GABRB2: variants seen among roughly 807,000 people sequenced by gnomAD.
GABRB2 encodes the protein gamma-aminobutyric acid receptor subunit beta-2.
A neutral mutation model predicts 54.7 loss-of-function variants in GABRB2; 16 were observed. The ratio of observed to expected loss-of-function variants is 0.29; its 90% CI spans 0.20 to 0.44. The LOEUF (loss-of-function observed/expected upper bound fraction) is 0.44, where lower values mean the gene tolerates loss of function less well. GABRB2 is among the 20% of genes least tolerant of loss of function. The probability of loss-of-function intolerance (pLI) is 1.00; values close to 1 mark genes in which losing one functional copy is unlikely to be tolerated. For missense variants in GABRB2, 355 were observed against 644.0 expected, an observed-to-expected ratio of 0.55 and a Z score of 4.86; for synonymous variants, 244 against 233.8, an observed-to-expected ratio of 1.04 and a Z score of -0.40.
intron 5 of GABRB2, among the ~76,000 whole-genome samples, chr5:161,356,311 T>C (rs1754625641): frequency 1.3e-5 from 2 of 152,304 alleles, no homozygotes; most frequent in South Asian, 2.1e-4. Context: ...CCTATGTGAT[T>C]TGAATCTGCC....
chr5:161,302,459 T>C (rs1309702177), intron 9 of GABRB2, among the ~76,000 whole-genome samples: 2 of 152,228 alleles, frequency 1.3e-5, no homozygotes, highest in Admixed American at 1.3e-4. Context: ...TGTGATAGTC[T>C]ATAGTCATAT....
intron 5 of GABRB2, among the ~76,000 whole-genome samples, chr5:161,357,314 T>C (rs989367488): frequency 1.3e-5 from 2 of 152,034 alleles, no homozygotes; most frequent in Admixed American, 6.6e-5. Flanking sequence ...GGGCAGCCAG[T>C]GCAAAGGACC....
intron 5 of GABRB2, among the ~76,000 whole-genome samples, chr5:161,378,168 T>C (rs2113478645): frequency 6.6e-6 from 1 of 152,262 alleles, no homozygotes; most frequent in African/African-American, 2.4e-5. Context: ...CTTAACACAA[T>C]TTATTTAACC....
rs191600741 is a variant in GABRB2 at position 161,299,220 on chromosome 5, G to A, written c.1192-4792C>T. Among the ~76,000 whole-genome samples, 234 of 152,262 alleles carry A rather than the reference G, an allele frequency of 1.5e-3. 1 individual carries two copies. Among genetic ancestry groups the A allele is most frequent in the Admixed American group, 2.1e-3 (32 of 15,284 alleles). On this transcript the variant is annotated intron_variant, in intron 9 of 9. Coordinates refer to ENST00000393959, the MANE Select transcript of GABRB2 (RefSeq NM_001371727.1). ...GCTTTGCCTGTTCATCAAGCACCAC[G>A]CACTCCCATTTCTGTATGGGAAACC...
chr5:161,485,163 C>A (rs1295147203), intron 3 of GABRB2, among the ~76,000 whole-genome samples: 1 of 151,958 alleles, frequency 6.6e-6, no homozygotes, highest in African/African-American at 2.4e-5. Context: ...GGACTCCTCA[C>A]CTTCACTGCC....
intron 5 of GABRB2, 54 bp from the exon 6 acceptor site, chr5:161,336,823 A>G: frequency 6.5e-7 from 1 of 1,540,578 alleles, no homozygotes; most frequent in Non-Finnish European, 8.7e-7. Flanking sequence ...ACAAAAAAAA[A>G]AAAACAGACA....
intron 3 of GABRB2, among the ~76,000 whole-genome samples, chr5:161,509,068 A>C (rs888187373): frequency 2.0e-5 from 3 of 151,974 alleles, no homozygotes; most frequent in African/African-American, 7.2e-5. Flanking sequence ...GCAACACTAC[A>C]TAAATGGAGT....
intron 3 of GABRB2, among the ~76,000 whole-genome samples, chr5:161,537,675 C>A (rs1485671115): frequency 6.6e-6 from 1 of 152,186 alleles, no homozygotes. Flanking sequence ...CCACTTCAAT[C>A]CACCCTCTAC....
At chr5:161,545,156 G>T in intron 3 of GABRB2, 71 bp downstream of exon 3, 1 of 1,177,288 alleles carries the variant, frequency 8.5e-7, no homozygotes, top group Non-Finnish European at 1.2e-6. Context: ...ACCCCCAATA[G>T]CTGGCTCATT....
chr5:161,403,717 A>G (rs1022830370), intron 5 of GABRB2, among the ~76,000 whole-genome samples: 1 of 152,134 alleles, frequency 6.6e-6, no homozygotes, highest in South Asian at 2.1e-4. Flanking sequence ...TAACCACATA[A>G]TAAGAAAGAG....
At chr5:161,402,937 G>T (rs925349114) in intron 5 of GABRB2, among the ~76,000 whole-genome samples, 5 of 151,984 alleles carry the variant, frequency 3.3e-5, no homozygotes, top group African/African-American at 1.2e-4. Flanking sequence ...CTGTGGTGTG[G>T]CCTGATCATT....
intron 5 of GABRB2, among the ~76,000 whole-genome samples, chr5:161,377,153 A>G (rs1755331319): frequency 6.6e-6 from 1 of 152,114 alleles, no homozygotes; most frequent in Admixed American, 6.6e-5. Context: ...GTTTTGGTAA[A>G]TGATCTTTTA....
chr5:161,445,942 T>C (rs1228044065), intron 4 of GABRB2, among the ~76,000 whole-genome samples: 3 of 152,084 alleles, frequency 2.0e-5, no homozygotes, highest in African/African-American at 7.2e-5. Context: ...GCAGAATAAA[T>C]CTCTTCAAAT....
At chr5:161,535,659 G>A (rs535841452) in intron 3 of GABRB2, among the ~76,000 whole-genome samples, 2 of 152,264 alleles carry the variant, frequency 1.3e-5, no homozygotes, top group South Asian at 4.1e-4. Flanking sequence ...GCTAATAGTG[G>A]CTGTCTCAGT....
chr5:161,454,400 G>T (rs1020604897), intron 4 of GABRB2, among the ~76,000 whole-genome samples: 1 of 152,018 alleles, frequency 6.6e-6, no homozygotes, highest in Non-Finnish European at 1.5e-5. Flanking sequence ...TTTCTTTAGC[G>T]GTTTTCTTTT....
In GABRB2 at chr5:161,545,309, G is replaced by A. The variant is rs759485903; in HGVS notation, c.170-15C>T. ...CACGGGGGGACCTGCAAAGCAAGAC[G>A]GCCAGCCACGTGATTTCTTTGAACT... On this transcript the variant is annotated splice_polypyrimidine_tract_variant and intron_variant, in intron 2 of 9. Transcript: ENST00000393959. 32 of 1,582,696 alleles carry A rather than the reference G, an allele frequency of 2.0e-5. No homozygotes were observed. Among genetic ancestry groups the A allele is most frequent in the Non-Finnish European group, 2.5e-5 (29 of 1,166,216 alleles).
At chr5:161,437,515 G>A (rs1415390357) in intron 4 of GABRB2, among the ~76,000 whole-genome samples, 1 of 152,096 alleles carries the variant, frequency 6.6e-6, no homozygotes, top group Non-Finnish European at 1.5e-5. Context: ...ACTACACTGA[G>A]GACCTTGGGT....
intron 9 of GABRB2, among the ~76,000 whole-genome samples, chr5:161,303,619 A>G (rs1200721695): frequency 6.6e-6 from 1 of 152,176 alleles, no homozygotes; most frequent in Non-Finnish European, 1.5e-5. Context: ...TTACTCTTCA[A>G]AAGATCCCAG....
At chr5:161,321,652 G>GGTTATAC (rs1758213941) in intron 9 of GABRB2, among the ~76,000 whole-genome samples, 1 of 152,054 alleles carries the variant, frequency 6.6e-6, no homozygotes, top group South Asian at 2.1e-4. Flanking sequence ...TAATAACTTA[G>GGTTATAC]GTTATACTTT....
Sources: allele counts gnomAD v4.1 joint callset (sites outside exome capture counted in the v4.1 genomes callset), GRCh38; gene constraint gnomAD v4.1.1; transcripts MANE v1.5; gene names NCBI Gene and HGNC (gene_info 2026-07-23, HGNC 2026-07-21).